ENOX2: variants seen among roughly 807,000 people sequenced by gnomAD.
The protein encoded by ENOX2 is ecto-NOX disulfide-thiol exchanger 2.
Under a neutral mutation model 45.0 loss-of-function variants are expected in ENOX2, and 36 were observed. The observed-to-expected ratio is 0.80, with a 90% CI of 0.61 to 1.06. The LOEUF (loss-of-function observed/expected upper bound fraction) is 1.06, where lower values mean the gene tolerates loss of function less well. ENOX2 is among the 50% of genes least tolerant of loss of function. ENOX2 has a pLI of 0.00. For missense variants in ENOX2, 423 were observed against 462.5 expected, an observed-to-expected ratio of 0.91 and a Z score of 0.78; for synonymous variants, 174 against 152.3, an observed-to-expected ratio of 1.14 and a Z score of -1.05.
In ENOX2 at chrX:130,720,991, A is replaced by T. The variant is rs961587936; in HGVS notation, c.-38-17737T>A. On this transcript the variant is annotated intron_variant, in intron 3 of 14. Transcript: ENST00000394363. ...GCCAAGCATATTAGACATTTCCATC[A>T]GCAGTAAATGCACTCACAACAGGGG... Among the ~76,000 whole-genome samples the T allele has an allele frequency of 3.6e-5, 4 of 112,250 alleles. No homozygotes were observed. The East Asian group carries it at 1.1e-3, about 31-fold the overall frequency.
intron 3 of ENOX2, among the ~76,000 whole-genome samples, chrX:130,742,903 G>A (rs2039018727): frequency 8.9e-6 from 1 of 112,201 alleles, no homozygotes; most frequent in South Asian, 3.8e-4. Flanking sequence ...GAGGCTGGAG[G>A]CTCTGGGAAA....
chrX:130,679,430 G>T, intron 6 of ENOX2, 112 bp downstream of exon 6: 1 of 589,685 alleles, frequency 1.7e-6, no homozygotes, highest in Non-Finnish European at 2.8e-6. Flanking sequence ...CACCTCTGAA[G>T]GCAAGAGCAG....
rs143316789 is a variant in ENOX2 at position 130,631,526 on chromosome X, A to G, written c.1470T>C (p.Pro490=). The G allele has an allele frequency of 2.5e-3, 2,973 of 1,204,822 alleles. 3 individuals are homozygous for G. The highest frequency in any genetic ancestry group is 2.7e-3 in the Non-Finnish European group (2,438 of 890,571). ...LCASNQDSEY[P]LEKTMNSSPI... ...GACTGCTGTTCATGGTCTTCTCAAG[A>G]GGGTATTCGCTATCCTGGTTTGAGG... Residue 490 remains proline (P), a synonymous_variant, in exon 13 of 15, where the codon CCT becomes CCC. Transcript: ENST00000394363.
chrX:130,802,899 T>TA (rs1386268406), intron 2 of ENOX2, among the ~76,000 whole-genome samples: 2 of 112,406 alleles, frequency 1.8e-5, no homozygotes, highest in Admixed American at 1.9e-4. Flanking sequence ...AGTTAGTATT[T>TA]AAATAAACAA....
chrX:130,702,081 G>C (rs994059759), intron 4 of ENOX2, among the ~76,000 whole-genome samples: 17 of 110,626 alleles, frequency 1.5e-4, no homozygotes, highest in Non-Finnish European at 3.2e-4. Context: ...TAGTATTGCT[G>C]TCTAGTGGAC....
intron 4 of ENOX2, among the ~76,000 whole-genome samples, chrX:130,695,511 A>T (rs1173701214): frequency 9.0e-6 from 1 of 111,061 alleles, no homozygotes; most frequent in Non-Finnish European, 1.9e-5. Flanking sequence ...TGGCCCAATA[A>T]AAGCATTTCC....
At chrX:130,879,534 T>C (rs1321860046) in intron 2 of ENOX2, among the ~76,000 whole-genome samples, 1 of 103,342 alleles carries the variant, frequency 9.7e-6, no homozygotes, top group African/African-American at 3.4e-5. Flanking sequence ...CCATTCACAA[T>C]TATGTGTATA....
rs183554822 is a variant in ENOX2 at position 130,669,017 on chromosome X, A to G, written c.694+948T>C. 2.4e-4 allele frequency among the ~76,000 whole-genome samples: 27 copies of G among 112,289 alleles called. 1 individual carries two copies. The highest frequency in any genetic ancestry group is 2.4e-3 in the Admixed American group (25 of 10,616). On this transcript the variant is annotated intron_variant, in intron 7 of 14. Transcript: ENST00000394363. ...TCTAGGTTTTCTGCTTTTCCCTTAAAGAAAGTCAAAACCAATTTCTTACAT... is the reference window on the plus strand; with the variant it reads ...TCTAGGTTTTCTGCTTTTCCCTTAAGGAAAGTCAAAACCAATTTCTTACAT...
At chrX:130,730,403 T>G (rs1161211502) in intron 3 of ENOX2, among the ~76,000 whole-genome samples, 1 of 112,471 alleles carries the variant, frequency 8.9e-6, no homozygotes, top group Non-Finnish European at 1.9e-5. Flanking sequence ...AGTCCTATGT[T>G]GCTGCCATTA....
At chrX:130,826,706 G>A (rs2077726057) in intron 2 of ENOX2, among the ~76,000 whole-genome samples, 1 of 112,196 alleles carries the variant, frequency 8.9e-6, no homozygotes, top group Non-Finnish European at 1.9e-5. Context: ...AAGCTTGTTA[G>A]TAGCTAGAGC....
At chrX:130,696,561 A>G (rs1451994630) in intron 4 of ENOX2, among the ~76,000 whole-genome samples, 1 of 112,554 alleles carries the variant, frequency 8.9e-6, no homozygotes, top group African/African-American at 3.2e-5. Flanking sequence ...AATAAAGGGC[A>G]GTCCTTTCAA....
At chrX:130,822,027 C>A (rs183249649) in intron 2 of ENOX2, among the ~76,000 whole-genome samples, 152 of 96,266 alleles carry the variant, frequency 1.6e-3, no homozygotes, top group Non-Finnish European at 2.6e-3. Context: ...GAGATCGCAC[C>A]ACTGCACTCC....
chrX:130,627,567 T>C (rs188444789), intron 14 of ENOX2, among the ~76,000 whole-genome samples: 1 of 110,880 alleles, frequency 9.0e-6, no homozygotes, highest in Admixed American at 9.6e-5. Context: ...GGCAACAGAG[T>C]GAGACCCTGT....
rs1311980735 is a variant in ENOX2, at chrX:130,632,005, C to G, written c.1420-429G>C. On this transcript the variant is annotated intron_variant, in intron 12 of 14. Transcript: ENST00000394363. ...GAAGTGGAGCCAGGATTTCATCCCACTGTTAAAAGGACCATTGTTTTTTTA... is the reference window on the plus strand; with the variant it reads ...GAAGTGGAGCCAGGATTTCATCCCAGTGTTAAAAGGACCATTGTTTTTTTA... Among the ~76,000 whole-genome samples, 10 of 110,786 alleles carry G rather than the reference C, an allele frequency of 9.0e-5. No homozygotes were observed. The East Asian group carries it at 1.1e-3, about 13-fold the overall frequency.
chrX:130,682,650 G>C (rs899027702), intron 5 of ENOX2, among the ~76,000 whole-genome samples: 1 of 102,761 alleles, frequency 9.7e-6, no homozygotes, highest in African/African-American at 3.7e-5. Flanking sequence ...CTATTTAGGT[G>C]CTGTGATTCT....
intron 2 of ENOX2, among the ~76,000 whole-genome samples, chrX:130,839,188 T>C (rs1965054363): frequency 8.9e-6 from 1 of 112,261 alleles, no homozygotes; most frequent in South Asian, 3.7e-4. Context: ...AGTTTTCACC[T>C]TTCTGATTTT....
intron 2 of ENOX2, among the ~76,000 whole-genome samples, chrX:130,785,320 C>T (rs1208059759): frequency 1.4e-4 from 12 of 87,970 alleles, no homozygotes; most frequent in African/African-American, 5.5e-4. Context: ...AGTGAAACTC[C>T]ATCTCAAAAA....
At chrX:130,645,738 G>C in intron 10 of ENOX2, 1 of 796,377 alleles carries the variant, frequency 1.3e-6, no homozygotes, top group South Asian at 2.4e-5. Context: ...GAACCTAGCA[G>C]CCATGGTGTG....
chrX:130,652,857 T>C (rs1205706902), intron 10 of ENOX2, among the ~76,000 whole-genome samples: 2 of 112,007 alleles, frequency 1.8e-5, no homozygotes, highest in Non-Finnish European at 3.8e-5. Context: ...TGCTGGAAAA[T>C]GACCAGAAAC....
Sources: allele counts gnomAD v4.1 joint callset (sites outside exome capture counted in the v4.1 genomes callset), GRCh38; gene constraint gnomAD v4.1.1; transcripts MANE v1.5; gene names NCBI Gene and HGNC (gene_info 2026-07-23, HGNC 2026-07-21).